The following SUGCT variants were observed in gnomAD, a reference collection of about 807,000 sequenced individuals.
SUGCT encodes succinyl-CoA:glutarate CoA-transferase.
In SUGCT, 41 loss-of-function variants were observed where a neutral mutation model predicts 55.0. The ratio of observed to expected loss-of-function variants is 0.74; its 90% CI spans 0.58 to 0.97. The LOEUF is 0.97. SUGCT is among the 50% of genes least tolerant of loss of function. The probability of loss-of-function intolerance (pLI) is 0.00; values close to 1 mark genes in which losing one functional copy is unlikely to be tolerated. For synonymous variants in SUGCT, 187 were observed against 200.4 expected, an observed-to-expected ratio of 0.93 and a Z score of 0.56; for missense variants, 568 against 547.8, an observed-to-expected ratio of 1.04 and a Z score of -0.37.
At chr7:40,496,212 G>A in intron 11 of SUGCT, 72 bp from the exon 12 acceptor site, 1 of 907,156 alleles carries the variant, frequency 1.1e-6, no homozygotes, top group Non-Finnish European at 1.8e-6. Context: ...CTTTCAAAGA[G>A]GGCCACATGA....
At chr7:40,538,218 T>C (rs1380390969) in intron 12 of SUGCT, 2 of 152,196 alleles carry the variant, frequency 1.3e-5, no homozygotes, top group African/African-American at 4.8e-5. Flanking sequence ...CCATAGGAAA[T>C]CATCACTACA....
At chr7:40,372,030 A>G (rs1423657525) in intron 9 of SUGCT, among the ~76,000 whole-genome samples, 1 of 151,908 alleles carries the variant, frequency 6.6e-6, no homozygotes, top group Non-Finnish European at 1.5e-5. Context: ...CAAAATCAGG[A>G]TTATGAAACA....
At chr7:40,651,950 C>G (rs1800802209) in intron 12 of SUGCT, among the ~76,000 whole-genome samples, 1 of 151,802 alleles carries the variant, frequency 6.6e-6, no homozygotes, top group Middle Eastern at 3.4e-3. Flanking sequence ...ATCTTTGTAT[C>G]TTTTTACCTC....
chr7:40,435,160 C>G (rs537778958), intron 9 of SUGCT, among the ~76,000 whole-genome samples: 4 of 152,156 alleles, frequency 2.6e-5, no homozygotes, highest in Non-Finnish European at 5.9e-5. Flanking sequence ...AAAGGCTGAC[C>G]CTCTATGCTT....
intron 7 of SUGCT, among the ~76,000 whole-genome samples, chr7:40,243,615 A>G (rs1789613731): frequency 6.6e-6 from 1 of 151,630 alleles, no homozygotes. Flanking sequence ...GTGTGTGTGT[A>G]TGTCTATATA....
rs140568658 is a variant in SUGCT at position 40,526,366 on chromosome 7, T to A, written c.1089+29980T>A. On this transcript the variant is annotated intron_variant, in intron 12 of 13. Coordinates refer to ENST00000335693, the MANE Select transcript of SUGCT (RefSeq NM_001193313.2). The stretch of plus-strand genomic sequence containing the variant: ...CAATAGCTGTTAACTGTTTTCACCA[T>A]CAGGATTCACAGTTTCAAGGACTTC... Among the ~76,000 whole-genome samples the A allele has an allele frequency of 6.2e-3, 941 of 152,322 alleles. 6 individuals carry two copies. The highest frequency in any genetic ancestry group is 8.6e-3 in the Non-Finnish European group (585 of 68,020).
the SUGCT span, among the ~76,000 whole-genome samples, chr7:40,932,041 G>A: frequency 6.6e-6 from 1 of 152,124 alleles, no homozygotes; most frequent in African/African-American, 2.4e-5. Flanking sequence ...GATCTTTCCT[G>A]CTTTCTCTTG....
intron 13 of SUGCT, among the ~76,000 whole-genome samples, chr7:40,786,453 C>G (rs117174454): frequency 0.014 from 2,162 of 152,268 alleles, 28 homozygotes; most frequent in Non-Finnish European, 0.023. Flanking sequence ...TTGGCTTAAA[C>G]TGGCAATCAC....
rs187892662 is a variant in SUGCT, at chr7:40,139,426, G to A, written c.100+4306G>A. Among the ~76,000 whole-genome samples the A allele has an allele frequency of 3.1e-3, 473 of 152,236 alleles. 4 individuals carry two copies. Among genetic ancestry groups the A allele is most frequent in the Middle Eastern group, 0.01 (3 of 294 alleles). On this transcript the variant is annotated intron_variant, in intron 1 of 13. Coordinates refer to ENST00000335693, the MANE Select transcript of SUGCT (RefSeq NM_001193313.2). ...TTGGCCAGGCTTGTCTCAAACTCCG[G>A]ACCTCAGCTGATCCACTCACCTCAG...
intron 13 of SUGCT, among the ~76,000 whole-genome samples, chr7:40,826,377 A>C (rs1031020636): frequency 1.3e-5 from 2 of 152,156 alleles, no homozygotes; most frequent in Admixed American, 6.5e-5. Flanking sequence ...CAAACATGCT[A>C]TACACCTGTA....
At chr7:40,226,423 A>G (rs1305421875) in intron 6 of SUGCT, among the ~76,000 whole-genome samples, 1 of 152,168 alleles carries the variant, frequency 6.6e-6, no homozygotes, top group Non-Finnish European at 1.5e-5. Flanking sequence ...ACTTTGGACC[A>G]TTTGCTGACC....
chr7:40,581,644 G>A (rs1797098131), intron 12 of SUGCT, among the ~76,000 whole-genome samples: 1 of 152,184 alleles, frequency 6.6e-6, no homozygotes, highest in Non-Finnish European at 1.5e-5. Context: ...CAAATGATGT[G>A]TGTATATTTT....
At chr7:40,422,484 T>C (rs1787361351) in intron 9 of SUGCT, among the ~76,000 whole-genome samples, 2 of 152,174 alleles carry the variant, frequency 1.3e-5, no homozygotes, top group African/African-American at 2.4e-5. Flanking sequence ...TCTTTCATCC[T>C]TTTGTCTGGC....
At chr7:40,664,564 A>C (rs1002245693) in intron 12 of SUGCT, among the ~76,000 whole-genome samples, 1 of 152,232 alleles carries the variant, frequency 6.6e-6, no homozygotes, top group Non-Finnish European at 1.5e-5. Flanking sequence ...CTGCTGATTT[A>C]CTGATGTATG....
chr7:40,142,400 C>G (rs1315610003), intron 1 of SUGCT, among the ~76,000 whole-genome samples: 1 of 152,136 alleles, frequency 6.6e-6, no homozygotes, highest in Non-Finnish European at 1.5e-5. Flanking sequence ...TTTAACATGT[C>G]TTGGCTTAGT....
intron 12 of SUGCT, among the ~76,000 whole-genome samples, chr7:40,686,290 G>C (rs1784460680): frequency 6.6e-6 from 1 of 152,140 alleles, no homozygotes; most frequent in Non-Finnish European, 1.5e-5. Context: ...TTGTGACCTT[G>C]AGCAAGTTAC....
Position 40,242,906 on chromosome 7 carries a change from C to CATAT in SUGCT, c.576+5205_576+5208dup, listed in dbSNP as rs1159693206. 8.3e-3 allele frequency among the ~76,000 whole-genome samples: 269 copies of CATAT among 32,220 alleles called. 9 individuals carry two copies. The highest frequency in any genetic ancestry group is 0.019 in the African/African-American group (153 of 8,214). The allele number at this position is 32,220 out of a possible 152,430, so 21.1% of individuals were successfully genotyped here. A position where few individuals can be genotyped will look rare whatever the true frequency, so the allele number is the denominator to read the frequency against. On this transcript the variant is annotated intron_variant, in intron 7 of 13. Coordinates refer to ENST00000335693, the MANE Select transcript of SUGCT (RefSeq NM_001193313.2). ...GAATATCTGGTACTGTGCTATGTGG[C>CATAT]ATATATATATATATATATATATATA...
At chr7:40,532,790 G>A (rs1297256828) in intron 12 of SUGCT, among the ~76,000 whole-genome samples, 2 of 152,062 alleles carry the variant, frequency 1.3e-5, no homozygotes, top group Non-Finnish European at 2.9e-5. Flanking sequence ...TCAACACTAT[G>A]TTCCACAACA....
chr7:40,986,796 T>C, the SUGCT span, among the ~76,000 whole-genome samples: 1 of 152,110 alleles, frequency 6.6e-6, no homozygotes. Context: ...CGAGGAATGT[T>C]TTAAATCAGG....
Sources: gnomAD v4.1 joint callset for allele counts (sites outside exome capture counted in the v4.1 genomes callset) on GRCh38, gnomAD v4.1.1 for gene constraint, MANE v1.5 for transcripts, NCBI Gene and HGNC (gene_info 2026-07-23, HGNC 2026-07-21) for gene names.